The following CCDC92 variants were observed in gnomAD, a reference collection of about 807,000 sequenced individuals.
CCDC92 encodes the protein coiled-coil domain-containing protein 92.
In CCDC92, 12 loss-of-function variants were observed where a neutral mutation model predicts 24.9. That is an observed-to-expected ratio of 0.48 (90% CI 0.31 to 0.78). The LOEUF (loss-of-function observed/expected upper bound fraction) is 0.78, where lower values mean the gene tolerates loss of function less well. Ranked by LOEUF, CCDC92 falls within the 30% of genes least tolerant of loss-of-function variation. The pLI is 0.05. For missense variants in CCDC92, 399 were observed against 439.4 expected, an observed-to-expected ratio of 0.91 and a Z score of 0.82; for synonymous variants, 193 against 196.3, an observed-to-expected ratio of 0.98 and a Z score of 0.14.
At chr12:123,966,558 T>C (rs1304112686) in intron 1 of CCDC92, 2 of 152,204 alleles carry the variant, frequency 1.3e-5, no homozygotes, top group African/African-American at 4.8e-5. Flanking sequence ...CAACCTTCCT[T>C]CAAGGGACTC....
chr12:123,956,116 C>G lies in CCDC92; in HGVS notation c.-59-11752G>C, dbSNP rs186983433. Among the ~76,000 whole-genome samples, 111 of 152,308 alleles carry G rather than the reference C, an allele frequency of 7.3e-4. 1 individual carries two copies. The highest frequency in any genetic ancestry group is 2.6e-3 in the African/African-American group (110 of 41,562). On this transcript the variant is annotated intron_variant, in intron 1 of 4. Coordinates refer to ENST00000238156, the MANE Select transcript of CCDC92 (RefSeq NM_025140.3). Reference sequence around the variant, plus strand: ...TAAAATAGTCCAACAACAGTCACTTCAGTAAATAAAGTCACCATGACCAGG... The same window carrying G: ...TAAAATAGTCCAACAACAGTCACTTGAGTAAATAAAGTCACCATGACCAGG...
In CCDC92 at chr12:123,937,905, C is replaced by T. The variant is rs1050100473; in HGVS notation, c.224-75G>A. The T allele has an allele frequency of 1.0e-5, 15 of 1,457,852 alleles. No homozygotes were observed. The highest frequency in any genetic ancestry group is 5.6e-5 in the African/African-American group (4 of 70,980). The allele number at this position is 1,457,852 out of a possible 1,614,324, so 90.3% of individuals were successfully genotyped here. Reference sequence around the variant, plus strand: ...CGAGTGGTGAGGCCTATGGGGCAGGCGGACCTGTCTGGTGGGGGCCCTGTC... The same window carrying T: ...CGAGTGGTGAGGCCTATGGGGCAGGTGGACCTGTCTGGTGGGGGCCCTGTC... On this transcript the variant is annotated intron_variant, in intron 4 of 4. Transcript: ENST00000238156. The surrounding 1 kb of genome is among the most constrained non-coding windows in gnomAD (Gnocchi z 8.4).
intron 1 of CCDC92, among the ~76,000 whole-genome samples, chr12:123,963,450 C>T (rs951607711): frequency 2.6e-5 from 4 of 152,292 alleles, no homozygotes; most frequent in Admixed American, 6.5e-5. Flanking sequence ...GTATCTTACA[C>T]GCTCAGCGAG....
At chr12:123,954,581 TAAGA>T (rs781748889) in intron 1 of CCDC92, among the ~76,000 whole-genome samples, 1 of 152,214 alleles carries the variant, frequency 6.6e-6, no homozygotes, top group Non-Finnish European at 1.5e-5. Context: ...TCTCATACTT[TAAGA>T]GTTTCTATTT....
In CCDC92 at chr12:123,937,633, G is replaced by T. The variant is rs1955559347; in HGVS notation, c.421C>A (p.Leu141Met). ...TCCAGCTCGCTAGACAGCAGGGTCAGCTTGTGACTCTTGGCCTTCAGCTCC... is the reference window on the plus strand; with the variant it reads ...TCCAGCTCGCTAGACAGCAGGGTCATCTTGTGACTCTTGGCCTTCAGCTCC... ...LEELKAKSHK[L>M]TLLSSELEQR... Residue 141 changes from leucine to methionine, a missense_variant, in exon 5 of 5, where the codon CTG (leucine) becomes ATG (methionine). By Grantham distance (15) the Leu-to-Met change is conservative. Coordinates refer to ENST00000238156, the MANE Select transcript of CCDC92 (RefSeq NM_025140.3). The surrounding 1 kb of genome is among the most constrained non-coding windows in gnomAD (Gnocchi z 8.4). 1 of 1,613,792 alleles carries T rather than the reference G, an allele frequency of 6.2e-7. No homozygotes were observed. Among genetic ancestry groups the T allele is most frequent in the Non-Finnish European group, 8.5e-7 (1 of 1,180,020 alleles).
rs1466260120 is a variant in CCDC92, at chr12:123,971,058, A to C, written c.-60+1471T>G. Among the ~76,000 whole-genome samples, 3 of 152,222 alleles carry C rather than the reference A, an allele frequency of 2.0e-5. No homozygotes were observed. In the East Asian group the frequency reaches 5.8e-4, roughly 29 times the overall value. ...AATAAAAATATCTAATTTCAAAAAAACCCTATTTGTTAGACCGATGTATTT... is the reference window on the plus strand; with the variant it reads ...AATAAAAATATCTAATTTCAAAAAACCCCTATTTGTTAGACCGATGTATTT... On this transcript the variant is annotated intron_variant, in intron 1 of 4. Transcript: ENST00000238156.
intron 1 of CCDC92, among the ~76,000 whole-genome samples, chr12:123,960,302 T>C (rs1956243197): frequency 6.6e-6 from 1 of 152,216 alleles, no homozygotes. Flanking sequence ...CTTGTATTAG[T>C]GAGCATCAGA....
In CCDC92 at chr12:123,937,221, C is replaced by G; in HGVS notation, c.833G>C (p.Ser278Thr). 6.2e-7 allele frequency: 1 copy of G among 1,609,766 alleles called. No individual in the cohort carries two copies. The highest frequency in any genetic ancestry group is 8.5e-7 in the Non-Finnish European group (1 of 1,179,400). ...IASDRSGEQH[S>T]PAREKPHKAH... ...CTTGTGCGGCTTTTCGCGGGCCGGGCTGTGCTGCTCGCCGCTTCGGTCGGA... is the reference window on the plus strand; with the variant it reads ...CTTGTGCGGCTTTTCGCGGGCCGGGGTGTGCTGCTCGCCGCTTCGGTCGGA... Residue 278 changes from serine to threonine, a missense_variant, in exon 5 of 5, where the codon AGC becomes ACC. Coordinates refer to ENST00000238156, the MANE Select transcript of CCDC92 (RefSeq NM_025140.3). This position sits in a 1 kb window ranked among gnomAD's most constrained non-coding sequence, Gnocchi z 8.4.
chr12:123,954,833 C>T, intron 1 of CCDC92, among the ~76,000 whole-genome samples: 1 of 152,236 alleles, frequency 6.6e-6, no homozygotes, highest in Non-Finnish European at 1.5e-5. Flanking sequence ...CGCCAGGAGG[C>T]CAGCGGGCGG....
chr12:123,971,984 G>A (rs1290937122), intron 1 of CCDC92: 1 of 152,326 alleles, frequency 6.6e-6, no homozygotes, highest in Non-Finnish European at 1.5e-5. Flanking sequence ...AAAAGGCGAT[G>A]TGGATTCAGA....
intron 1 of CCDC92, 119 bp downstream of exon 1, chr12:123,972,410 G>C (rs1401585325): frequency 6.6e-6 from 1 of 152,036 alleles, no homozygotes; most frequent in African/African-American, 2.4e-5. Context: ...GGTTTTTAAA[G>C]TCTTCGCCAC....
At chr12:123,969,437 A>T (rs1453002545) in intron 1 of CCDC92, among the ~76,000 whole-genome samples, 17 of 146,148 alleles carry the variant, frequency 1.2e-4, no homozygotes, top group African/African-American at 4.3e-4. Context: ...CACAAGAATC[A>T]TCTCTTATAT....
At chr12:123,958,722 T>G (rs1013811888) in intron 1 of CCDC92, among the ~76,000 whole-genome samples, 1 of 152,234 alleles carries the variant, frequency 6.6e-6, no homozygotes, top group Non-Finnish European at 1.5e-5. Context: ...CTTGCCTCAT[T>G]ACATCCTCAC....
chr12:123,957,903 C>G (rs918680065), intron 1 of CCDC92, among the ~76,000 whole-genome samples: 11 of 151,736 alleles, frequency 7.2e-5, no homozygotes, highest in African/African-American at 2.7e-4. Context: ...CACGGAGTTT[C>G]GCCATGGCTG....
intron 1 of CCDC92, chr12:123,946,387 G>C (rs1955870288): frequency 6.6e-6 from 1 of 152,622 alleles, no homozygotes; most frequent in South Asian, 2.1e-4. Context: ...CCTCTGCCCA[G>C]AACACTCTTC....
At chr12:123,950,237 A>C (rs751109641) in intron 1 of CCDC92, among the ~76,000 whole-genome samples, 1 of 152,150 alleles carries the variant, frequency 6.6e-6, no homozygotes, top group African/African-American at 2.4e-5. Context: ...TAATACTTTG[A>C]AACTGCAGAG....
At chr12:123,944,187 GGT>G (rs1194143554) in intron 2 of CCDC92, 83 bp downstream of exon 2, 11 of 847,114 alleles carry the variant, frequency 1.3e-5, no homozygotes, top group Non-Finnish European at 2.3e-5. Context: ...GGGTGGTGCA[GGT>G]GTCTGGAGTC....
Position 123,937,322 on chromosome 12 carries a change from G to C in CCDC92, c.732C>G (p.Thr244=), listed in dbSNP as rs778188891. Residue 244 remains threonine, a synonymous_variant, in exon 5 of 5, where the codon ACC becomes ACG. Transcript: ENST00000238156. The surrounding 1 kb of genome is among the most constrained non-coding windows in gnomAD (Gnocchi z 8.4). ...REPVDAMPDP[T]PFLLARESAE... is the part of the protein sequence containing the mutation. Reference sequence around the variant, plus strand: ...CGGACTCCCTAGCCAGCAGAAATGGGGTGGGGTCGGGCATAGCATCCACTG... The same window carrying C: ...CGGACTCCCTAGCCAGCAGAAATGGCGTGGGGTCGGGCATAGCATCCACTG... 1.2e-6 allele frequency: 2 copies of C among 1,613,668 alleles called. No individual in the cohort carries two copies. The highest frequency in any genetic ancestry group is 2.7e-5 in the African/African-American group (2 of 74,950).
At position 123,944,263 on chromosome 12, in the gene CCDC92, A is replaced by G. The variant is rs778535854; in HGVS notation, c.34+9T>C. The G allele has an allele frequency of 6.3e-7, 1 of 1,576,780 alleles. No individual in the cohort carries two copies. The highest frequency in any genetic ancestry group is 1.7e-5 in the Admixed American group (1 of 58,022). ...GCATCTGATGCTCACTCAGGGCCCC[A>G]GACTCTACCTTCATCGTAACTCGAG... On this transcript the variant is annotated intron_variant, in intron 2 of 4. Transcript: ENST00000238156.
Sources: allele counts gnomAD v4.1 joint callset (sites outside exome capture counted in the v4.1 genomes callset), GRCh38; gene constraint gnomAD v4.1.1; non-coding constraint Gnocchi (gnomAD v3.1); transcripts MANE v1.5; gene names NCBI Gene and HGNC (gene_info 2026-07-23, HGNC 2026-07-21).